RAD51B: variants seen among roughly 807,000 people sequenced by gnomAD.
The protein encoded by RAD51B is DNA repair protein RAD51 homolog 2.
Under a neutral mutation model 42.2 loss-of-function variants are expected in RAD51B, and 38 were observed. That is an observed-to-expected ratio of 0.90 (90% CI 0.70 to 1.18). The LOEUF is 1.18. RAD51B is among the 50% of genes most tolerant of loss of function. The pLI, the probability that RAD51B is intolerant of heterozygous loss-of-function variation, is 0.00. For synonymous variants in RAD51B, 154 were observed against 145.2 expected (o/e 1.06, Z -0.43); for missense variants, 373 against 400.7 (o/e 0.93, Z 0.59).
chr14:68,108,164 A>G (rs191215077), intron 7 of RAD51B, among the ~76,000 whole-genome samples: 20 of 152,034 alleles, frequency 1.3e-4, no homozygotes, highest in African/African-American at 4.6e-4. Context: ...GATAAAAAAG[A>G]TAGACAATAA....
At chr14:68,051,874 ATGTGTGTGTG>A in intron 7 of RAD51B, among the ~76,000 whole-genome samples, 1 of 148,848 alleles carries the variant, frequency 6.7e-6, no homozygotes, top group South Asian at 2.1e-4. Context: ...CCTCCCACAT[ATGTGTGTGTG>A]TGTGTGTGTG....
At chr14:68,344,102 CAT>C (rs2082623582) in intron 8 of RAD51B, among the ~76,000 whole-genome samples, 1 of 152,226 alleles carries the variant, frequency 6.6e-6, no homozygotes, top group African/African-American at 2.4e-5. Context: ...AAGCCCCCCA[CAT>C]AGAGTCCTCA....
At position 67,834,072 on chromosome 14, in the gene RAD51B, A is replaced by G. The variant is rs1349292217; in HGVS notation, c.199-1008A>G. Among the ~76,000 whole-genome samples the G allele has an allele frequency of 2.6e-5, 4 of 152,190 alleles. No homozygotes were observed. In the East Asian group the frequency reaches 5.8e-4, roughly 22 times the overall value. On this transcript the variant is annotated intron_variant, in intron 3 of 10. Transcript: ENST00000471583. ...TTTGGAGTTCAGAGGTTCAAAATTAAGGTGTAGGCAGAGCTGCATTCTCTC... is the reference window on the plus strand; with the variant it reads ...TTTGGAGTTCAGAGGTTCAAAATTAGGGTGTAGGCAGAGCTGCATTCTCTC...
At chr14:68,309,223 C>A (rs560122464) in intron 8 of RAD51B, among the ~76,000 whole-genome samples, 1 of 152,234 alleles carries the variant, frequency 6.6e-6, no homozygotes, top group Admixed American at 6.5e-5. Context: ...TCATGTTCTC[C>A]ACCAAGAAAG....
chr14:68,132,843 C>T (rs565214701), intron 7 of RAD51B, among the ~76,000 whole-genome samples: 46 of 152,350 alleles, frequency 3.0e-4, no homozygotes, highest in African/African-American at 8.9e-4. Flanking sequence ...TCAAGAGAAA[C>T]TCTCTCTAGC....
chr14:67,879,736 A>G (rs2042846844), intron 5 of RAD51B, among the ~76,000 whole-genome samples: 1 of 152,208 alleles, frequency 6.6e-6, no homozygotes, highest in African/African-American at 2.4e-5. Context: ...TGATTCTAAT[A>G]TCTGCTTCTG....
intron 8 of RAD51B, among the ~76,000 whole-genome samples, chr14:68,322,218 T>C (rs2082169849): frequency 6.6e-6 from 1 of 152,250 alleles, no homozygotes; most frequent in South Asian, 2.1e-4. Flanking sequence ...GACTTCTGTA[T>C]GGTATCTTGA....
chr14:67,888,055 T>A (rs563615484), intron 7 of RAD51B, among the ~76,000 whole-genome samples: 1 of 152,212 alleles, frequency 6.6e-6, no homozygotes, highest in Non-Finnish European at 1.5e-5. Context: ...ATTAAAATCT[T>A]GGATCTTTGC....
intron 7 of RAD51B, among the ~76,000 whole-genome samples, chr14:67,912,502 T>G (rs1456829450): frequency 6.6e-6 from 1 of 152,172 alleles, no homozygotes; most frequent in African/African-American, 2.4e-5. Context: ...CCAAAACTCA[T>G]TCATCCCCTT....
intron 10 of RAD51B, among the ~76,000 whole-genome samples, chr14:68,648,420 A>G (rs966691219): frequency 6.7e-6 from 1 of 149,014 alleles, no homozygotes; most frequent in Non-Finnish European, 1.5e-5. Flanking sequence ...GTTATGGTGA[A>G]AAAGACATTC....
chr14:68,167,481 T>G (rs1214061960), intron 7 of RAD51B, among the ~76,000 whole-genome samples: 1 of 152,156 alleles, frequency 6.6e-6, no homozygotes, highest in Non-Finnish European at 1.5e-5. Flanking sequence ...AGATTATGTC[T>G]TGTTTATTTT....
At position 68,565,313 on chromosome 14, in the gene RAD51B, C is replaced by A. The variant is rs2140028463; in HGVS notation, c.1037-29172C>A. On this transcript the variant is annotated intron_variant, in intron 10 of 10. Transcript: ENST00000487270. This position sits in a 1 kb window ranked among gnomAD's most constrained non-coding sequence, Gnocchi z 4.1. ...TTATCAGGGCCCAATCTAAGGCCCT[C>A]CTGTAAGGACCAAGCTTCCTCCAGC... 6.6e-6 allele frequency among the ~76,000 whole-genome samples: 1 copy of A among 152,276 alleles called. No individual in the cohort carries two copies. Among genetic ancestry groups the A allele is most frequent in the South Asian group, 2.1e-4 (1 of 4,820 alleles).
intron 8 of RAD51B, among the ~76,000 whole-genome samples, chr14:68,382,825 G>A (rs1214527417): frequency 6.6e-6 from 1 of 152,154 alleles, no homozygotes; most frequent in African/African-American, 2.4e-5. Flanking sequence ...AGGTGGGCAT[G>A]GTTAAAGCTG....
chr14:67,919,501 A>T (rs1446110622), intron 7 of RAD51B, among the ~76,000 whole-genome samples: 3 of 152,168 alleles, frequency 2.0e-5, no homozygotes, highest in Non-Finnish European at 4.4e-5. Flanking sequence ...ACTTTACTCC[A>T]TTAGTGCCTT....
intron 7 of RAD51B, among the ~76,000 whole-genome samples, chr14:68,248,534 CT>C (rs566246454): frequency 8.1e-5 from 12 of 148,790 alleles, no homozygotes; most frequent in South Asian, 2.1e-4. Flanking sequence ...CTAACATAGC[CT>C]TTTTTTTTTA....
At chr14:68,128,243 T>G (rs1453092024) in intron 7 of RAD51B, among the ~76,000 whole-genome samples, 2 of 152,210 alleles carry the variant, frequency 1.3e-5, no homozygotes, top group Non-Finnish European at 2.9e-5. Flanking sequence ...TAATCCTTTT[T>G]GTGTCTCTAT....
downstream of RAD51B, among the ~76,000 whole-genome samples, chr14:68,483,043 G>A (rs113374488): frequency 6.3e-3 from 908 of 143,404 alleles, 7 homozygotes; most frequent in Middle Eastern, 0.037. Context: ...ATGGGGGAGA[G>A]AGAGAAGAAA....
chr14:68,304,133 G>A (rs925673158), intron 8 of RAD51B, among the ~76,000 whole-genome samples: 13 of 150,848 alleles, frequency 8.6e-5, no homozygotes, highest in Non-Finnish European at 1.5e-4. Context: ...TGGCGCCACT[G>A]CACTCCAGCC....
intron 7 of RAD51B, among the ~76,000 whole-genome samples, chr14:68,235,147 T>C (rs1185588157): frequency 6.6e-6 from 1 of 152,144 alleles, no homozygotes; most frequent in Non-Finnish European, 1.5e-5. Flanking sequence ...CCGTACATTA[T>C]TGTATGTGCT....
Sources: gnomAD v4.1 joint callset for allele counts (sites outside exome capture counted in the v4.1 genomes callset) on GRCh38, gnomAD v4.1.1 for gene constraint, Gnocchi (gnomAD v3.1) non-coding constraint, MANE v1.5 for transcripts, NCBI Gene and HGNC (gene_info 2026-07-23, HGNC 2026-07-21) for gene names.